The following STXBP5L variants were observed in gnomAD, a reference collection of about 807,000 sequenced individuals.
STXBP5L encodes the protein syntaxin-binding protein 5-like.
A neutral mutation model predicts 144.5 loss-of-function variants in STXBP5L; 65 were observed. That is an observed-to-expected ratio of 0.45 (90% CI 0.37 to 0.55). The LOEUF (loss-of-function observed/expected upper bound fraction) is 0.55. Among genes scored for constraint, STXBP5L ranks in the 20% least tolerant of loss-of-function variants. STXBP5L has a pLI of 0.00. For missense variants in STXBP5L, 1,298 were observed against 1,405.5 expected, an observed-to-expected ratio of 0.92 and a Z score of 1.22; for synonymous variants, 505 against 469.6, an observed-to-expected ratio of 1.08 and a Z score of -0.97.
chr3:121,300,911 A>C (rs1471362318), intron 19 of STXBP5L, among the ~76,000 whole-genome samples: 3 of 152,196 alleles, frequency 2.0e-5, no homozygotes, highest in Admixed American at 1.3e-4. Context: ...TAAAAGATGC[A>C]CGTTAATTAT....
chr3:121,313,732 G>T (rs902495450), intron 19 of STXBP5L, among the ~76,000 whole-genome samples: 2 of 100,358 alleles, frequency 2.0e-5, no homozygotes, highest in African/African-American at 3.5e-5. Context: ...CCGGGCGGGG[G>T]GCTGACCCCC....
intron 10 of STXBP5L, among the ~76,000 whole-genome samples, chr3:121,211,673 G>A (rs1378904702): frequency 1.3e-5 from 2 of 151,076 alleles, no homozygotes; most frequent in Non-Finnish European, 2.9e-5. Context: ...CTGCCTCCGG[G>A]GTTCAAGCGA....
intron 3 of STXBP5L, among the ~76,000 whole-genome samples, chr3:120,981,528 G>A (rs1229839778): frequency 7.9e-5 from 12 of 151,980 alleles, no homozygotes; most frequent in Non-Finnish European, 4.4e-5. Flanking sequence ...TTTAGTTCTA[G>A]AAGTTCTTTT....
intron 2 of STXBP5L, among the ~76,000 whole-genome samples, chr3:120,941,816 G>A (rs1710582467): frequency 6.6e-6 from 1 of 151,464 alleles, no homozygotes; most frequent in Non-Finnish European, 1.5e-5. Context: ...ACTTATTTGG[G>A]GAGACCAAAG....
chr3:121,036,771 GA>G (rs1307978729), intron 3 of STXBP5L, among the ~76,000 whole-genome samples: 33 of 72,424 alleles, frequency 4.6e-4, no homozygotes, highest in Admixed American at 5.8e-4. Flanking sequence ...TACATTGATT[GA>G]TTTTTTTTTT....
chr3:120,988,953 T>A (rs2107940286), intron 3 of STXBP5L, among the ~76,000 whole-genome samples: 1 of 152,240 alleles, frequency 6.6e-6, no homozygotes, highest in South Asian at 2.1e-4. Flanking sequence ...CTTAAAATAA[T>A]GGACTCCAGT....
chr3:121,089,378 G>T (rs755182424), intron 5 of STXBP5L, among the ~76,000 whole-genome samples: 9 of 151,370 alleles, frequency 5.9e-5, no homozygotes, highest in Non-Finnish European at 1.2e-4. Context: ...AGAATTCTAG[G>T]TTGGTAGTTT....
Position 121,225,860 on chromosome 3 carries a change from C to T in STXBP5L, c.1111+2703C>T, listed in dbSNP as rs559307347. Among the ~76,000 whole-genome samples, 25 of 152,262 alleles carry T rather than the reference C, an allele frequency of 1.6e-4. 1 individual carries two copies. The South Asian group carries it at 4.1e-3, about 25-fold the overall frequency. ...AATAATTTGCCCTGTAAAATGAGTT[C>T]CTCGTGCATTATGAAGCCCTTGAGA... is the stretch of plus-strand genomic sequence containing the variant. On this transcript the variant is annotated intron_variant, in intron 11 of 26. Transcript: ENST00000471454.
At chr3:121,072,116 C>G (rs1240303106) in intron 5 of STXBP5L, among the ~76,000 whole-genome samples, 3 of 152,190 alleles carry the variant, frequency 2.0e-5, no homozygotes, top group Admixed American at 2.0e-4. Flanking sequence ...TTGTCTGTTC[C>G]TAAAGTTAAA....
intron 20 of STXBP5L, among the ~76,000 whole-genome samples, chr3:121,321,525 C>A (rs989007843): frequency 5.3e-5 from 8 of 152,196 alleles, no homozygotes; most frequent in Admixed American, 2.0e-4. Context: ...TCTGTAATCT[C>A]TTGCTGTTGT....
intron 2 of STXBP5L, among the ~76,000 whole-genome samples, chr3:120,933,030 CA>C (rs1200830328): frequency 2.3e-5 from 3 of 129,302 alleles, no homozygotes; most frequent in Non-Finnish European, 3.1e-5. Flanking sequence ...GGGAACATCA[CA>C]CACCAGGGCC....
At chr3:121,195,407 C>T (rs973046411) in intron 9 of STXBP5L, among the ~76,000 whole-genome samples, 3 of 152,080 alleles carry the variant, frequency 2.0e-5, no homozygotes, top group South Asian at 2.1e-4. Context: ...ACATCCATCG[C>T]GTCACATAAT....
chr3:121,223,152 C>T lies in STXBP5L; in HGVS notation c.1106C>T (p.Pro369Leu), dbSNP rs1162502492. ...CTAACTTTATGTGAAACGCCCTATCCAAATGGTAAGTAACTAAAATGAAAC... is the reference window on the plus strand; with the variant it reads ...CTAACTTTATGTGAAACGCCCTATCTAAATGGTAAGTAACTAAAATGAAAC... ...EFLTLCETPY[P>L]NEFQEPYAVV... Residue 369 changes from proline to leucine, a missense_variant, in exon 11 of 27, where the codon CCA becomes CTA. By Grantham distance (98) the Pro-to-Leu change is moderately conservative. Transcript: ENST00000471454. The T allele has an allele frequency of 6.3e-7, 1 of 1,585,654 alleles. No homozygotes were observed. Among genetic ancestry groups the T allele is most frequent in the Non-Finnish European group, 8.5e-7 (1 of 1,171,790 alleles).
At chr3:120,941,663 C>G (rs1288120756) in intron 2 of STXBP5L, among the ~76,000 whole-genome samples, 2 of 151,574 alleles carry the variant, frequency 1.3e-5, no homozygotes, top group Admixed American at 6.6e-5. Flanking sequence ...TATGACATAA[C>G]AGTTTTTGAA....
At chr3:121,116,904 A>T (rs539832450) in intron 6 of STXBP5L, among the ~76,000 whole-genome samples, 1 of 152,006 alleles carries the variant, frequency 6.6e-6, no homozygotes, top group African/African-American at 2.4e-5. Context: ...TTTTAAATAA[A>T]TTCAATATTA....
intron 7 of STXBP5L, among the ~76,000 whole-genome samples, chr3:121,134,304 A>C (rs2107910020): frequency 6.6e-6 from 1 of 152,222 alleles, no homozygotes; most frequent in East Asian, 1.9e-4. Flanking sequence ...ATGCTTCATT[A>C]ATTCATTAAC....
chr3:121,074,421 G>A (rs1377211808), intron 5 of STXBP5L, among the ~76,000 whole-genome samples: 2 of 152,104 alleles, frequency 1.3e-5, no homozygotes, highest in African/African-American at 2.4e-5. Context: ...CCAAGACAAG[G>A]CACATCTTTG....
At chr3:121,299,257 T>G (rs1226742455) in intron 19 of STXBP5L, among the ~76,000 whole-genome samples, 1 of 152,192 alleles carries the variant, frequency 6.6e-6, no homozygotes, top group African/African-American at 2.4e-5. Context: ...GGAAGATATT[T>G]TATAGAAATA....
intron 10 of STXBP5L, among the ~76,000 whole-genome samples, chr3:121,216,777 C>T (rs758157292): frequency 9.2e-5 from 14 of 152,176 alleles, no homozygotes; most frequent in South Asian, 2.1e-4. Flanking sequence ...GCTTAAGCTG[C>T]GCCCACAGCC....
Sources: allele counts gnomAD v4.1 joint callset (sites outside exome capture counted in the v4.1 genomes callset), GRCh38; gene constraint gnomAD v4.1.1; transcripts MANE v1.5; gene names NCBI Gene and HGNC (gene_info 2026-07-23, HGNC 2026-07-21).